The following PSD3 variants were observed in gnomAD, a reference collection of about 807,000 sequenced individuals.
PSD3 encodes the protein pleckstrin and Sec7 domain containing 3.
A neutral mutation model predicts 105.5 loss-of-function variants in PSD3; 49 were observed. That is an observed-to-expected ratio of 0.46 (90% confidence interval 0.37 to 0.59). The LOEUF is 0.59. Among genes scored for constraint, PSD3 ranks in the 20% least tolerant of loss-of-function variants. The pLI is 0.00. For missense variants in PSD3, 1,561 were observed against 1,263.8 expected, an observed-to-expected ratio of 1.24 and a Z score of -3.57; for synonymous variants, 557 against 457.8, an observed-to-expected ratio of 1.22 and a Z score of -2.77.
chr8:18,613,056 G>A (rs1379134649), intron 11 of PSD3, among the ~76,000 whole-genome samples: 1 of 152,036 alleles, frequency 6.6e-6, no homozygotes, highest in Non-Finnish European at 1.5e-5. Context: ...AAGGGTTACC[G>A]GAAACGTGTG....
At chr8:18,958,622 C>T (rs1369956216) in intron 1 of PSD3, among the ~76,000 whole-genome samples, 2 of 152,142 alleles carry the variant, frequency 1.3e-5, no homozygotes, top group Non-Finnish European at 2.9e-5. Context: ...TTGGCTTTAT[C>T]CTAAGAATGC....
In PSD3 at chr8:18,798,389, G is replaced by C. The variant is rs138839628; in HGVS notation, c.2082+906C>G. ...ATCTCCTGTTTGCTTTCTGGTGGTG[G>C]AACCCTTTCTCCCTGAACCCCTTCC... On this transcript the variant is annotated intron_variant, in intron 8 of 15. Coordinates refer to ENST00000327040, the MANE Select transcript of PSD3 (RefSeq NM_015310.4). Among the ~76,000 whole-genome samples the C allele has an allele frequency of 8.4e-3, 1,284 of 152,118 alleles. 5 individuals carry two copies. The highest frequency in any genetic ancestry group is 0.012 in the Non-Finnish European group (847 of 67,988).
intron 9 of PSD3, among the ~76,000 whole-genome samples, chr8:18,680,255 G>A (rs978143735): frequency 1.3e-5 from 2 of 152,194 alleles, no homozygotes; most frequent in Non-Finnish European, 2.9e-5. Context: ...AAATTCTGGA[G>A]TACAGTTGGC....
intron 4 of PSD3, among the ~76,000 whole-genome samples, chr8:18,823,373 G>C (rs1812902107): frequency 6.6e-6 from 1 of 152,096 alleles, no homozygotes; most frequent in Non-Finnish European, 1.5e-5. Context: ...CTTTAAATCA[G>C]TTAAAAGATC....
chr8:18,955,501 A>G (rs1296371544), intron 1 of PSD3, among the ~76,000 whole-genome samples: 2 of 152,204 alleles, frequency 1.3e-5, no homozygotes, highest in Non-Finnish European at 2.9e-5. Context: ...ATGCATAACA[A>G]TTATTCATTT....
chr8:19,043,974 A>C (rs1168470359), intron 1 of PSD3, among the ~76,000 whole-genome samples: 2 of 152,216 alleles, frequency 1.3e-5, no homozygotes, highest in African/African-American at 2.4e-5. Flanking sequence ...GCTGAGCAGC[A>C]ATCCCAGCCC....
chr8:19,057,245 T>A (rs1563535428), intron 1 of PSD3, among the ~76,000 whole-genome samples: 1 of 152,176 alleles, frequency 6.6e-6, no homozygotes, highest in Non-Finnish European at 1.5e-5. Flanking sequence ...TTCTCTACTC[T>A]TGTTCATAAC....
At chr8:18,863,023 C>G (rs183188977) in intron 4 of PSD3, among the ~76,000 whole-genome samples, 1 of 152,202 alleles carries the variant, frequency 6.6e-6, no homozygotes, top group Admixed American at 6.5e-5. Context: ...GTTAGTATCC[C>G]GAGCAAGATC....
intron 2 of PSD3, among the ~76,000 whole-genome samples, chr8:18,928,140 A>C (rs991570583): frequency 2.6e-5 from 4 of 152,200 alleles, no homozygotes; most frequent in African/African-American, 7.2e-5. Flanking sequence ...CTCACCTGGA[A>C]TTGTAATAAT....
In PSD3 at chr8:18,815,189, T is replaced by C. The variant is rs117850351; in HGVS notation, c.1635-10291A>G. Among the ~76,000 whole-genome samples, 235 of 152,350 alleles carry C rather than the reference T, an allele frequency of 1.5e-3. 5 individuals are homozygous for C. The East Asian group carries it at 0.043, about 28-fold the overall frequency. ...CCATTGCTCCCACCCCCTTTTCTCTTCTAACTCTTCCATCTTCTGGGATAC... is the reference window on the plus strand; with the variant it reads ...CCATTGCTCCCACCCCCTTTTCTCTCCTAACTCTTCCATCTTCTGGGATAC... On this transcript the variant is annotated intron_variant, in intron 4 of 15. Coordinates refer to ENST00000327040, the MANE Select transcript of PSD3 (RefSeq NM_015310.4).
chr8:18,655,983 G>C (rs1369665196), intron 9 of PSD3, among the ~76,000 whole-genome samples: 1 of 152,146 alleles, frequency 6.6e-6, no homozygotes, highest in East Asian at 1.9e-4. Context: ...AAATTACACT[G>C]TGCATGCTAT....
intron 9 of PSD3, among the ~76,000 whole-genome samples, chr8:18,719,475 G>A (rs1452889012): frequency 1.3e-5 from 2 of 152,134 alleles, no homozygotes; most frequent in Non-Finnish European, 2.9e-5. Context: ...TGTGCTACTA[G>A]TCATACTGCT....
chr8:18,758,070 C>A (rs764576263), intron 9 of PSD3, among the ~76,000 whole-genome samples: 1 of 151,912 alleles, frequency 6.6e-6, no homozygotes, highest in East Asian at 1.9e-4. Context: ...AAGAAAAGAA[C>A]AGAGTCCTTG....
intron 9 of PSD3, among the ~76,000 whole-genome samples, chr8:18,751,903 G>A (rs941738960): frequency 6.7e-6 from 1 of 148,384 alleles, no homozygotes; most frequent in African/African-American, 2.6e-5. Flanking sequence ...ATCTGGACGC[G>A]GTGGCTCACG....
intron 1 of PSD3, among the ~76,000 whole-genome samples, chr8:19,001,379 T>C (rs1474988493): frequency 1.3e-5 from 2 of 151,760 alleles, no homozygotes; most frequent in African/African-American, 4.8e-5. Flanking sequence ...AAATTTTCGA[T>C]ACACCTCCTG....
At chr8:19,053,324 C>T (rs334213) in intron 1 of PSD3, among the ~76,000 whole-genome samples, 104,516 of 151,938 alleles carry the variant, frequency 0.69, 42,196 homozygotes, top group Non-Finnish European at 0.91. Context: ...TCCCCTGCCC[C>T]CTGCTGCACA....
At chr8:18,725,977 T>C (rs1027285106) in intron 9 of PSD3, among the ~76,000 whole-genome samples, 10 of 152,198 alleles carry the variant, frequency 6.6e-5, no homozygotes, top group Non-Finnish European at 1.2e-4. Context: ...AGTGCTGTTC[T>C]TGGGGACTAG....
At chr8:18,891,650 C>T (rs917207123) in intron 2 of PSD3, among the ~76,000 whole-genome samples, 3 of 152,066 alleles carry the variant, frequency 2.0e-5, no homozygotes, top group African/African-American at 7.2e-5. Context: ...GAAAGAATTA[C>T]TAAATGTGTG....
In PSD3 at chr8:18,575,117, A is replaced by T. The variant is rs1364465633; in HGVS notation, c.2639+11T>A. 6.2e-7 allele frequency: 1 copy of T among 1,609,818 alleles called. No homozygotes were observed. The highest frequency in any genetic ancestry group is 2.2e-5 in the East Asian group (1 of 44,782). ...AAAACACAAAATCAAATAAAAACCA[A>T]CAAAACATACTGAGTTTGAAAAAGC... On this transcript the variant is annotated intron_variant, in intron 13 of 15. Transcript: ENST00000327040.
Sources: allele counts gnomAD v4.1 joint callset (sites outside exome capture counted in the v4.1 genomes callset), GRCh38; gene constraint gnomAD v4.1.1; transcripts MANE v1.5; gene names NCBI Gene and HGNC (gene_info 2026-07-23, HGNC 2026-07-21).